RIMS1: variants seen among roughly 807,000 people sequenced by gnomAD.
RIMS1 encodes regulating synaptic membrane exocytosis protein 1.
Under a neutral mutation model 214.1 loss-of-function variants are expected in RIMS1, and 83 were observed. The ratio of observed to expected loss-of-function variants is 0.39; its 90% CI spans 0.32 to 0.47. The LOEUF is 0.47. Among genes scored for constraint, RIMS1 ranks in the 20% least tolerant of loss-of-function variants. The pLI, the probability that RIMS1 is intolerant of heterozygous loss-of-function variation, is 0.99. For synonymous variants in RIMS1, 793 were observed against 786.8 expected (o/e 1.01, Z -0.13); for missense variants, 2,050 against 2,161.8 (o/e 0.95, Z 1.03).
At chr6:71,973,699 G>A (rs1267078108) in intron 2 of RIMS1, among the ~76,000 whole-genome samples, 2 of 152,152 alleles carry the variant, frequency 1.3e-5, no homozygotes, top group African/African-American at 2.4e-5. Context: ...CACAGAGGAG[G>A]CAACACAATA....
intron 4 of RIMS1, among the ~76,000 whole-genome samples, chr6:72,113,833 A>C (rs2036561501): frequency 6.6e-6 from 1 of 152,118 alleles, no homozygotes; most frequent in African/African-American, 2.4e-5. Context: ...ATATCAAATA[A>C]AAATATAGGA....
intron 23 of RIMS1, among the ~76,000 whole-genome samples, chr6:72,277,963 A>G (rs972291005): frequency 9.9e-5 from 15 of 152,100 alleles, no homozygotes; most frequent in African/African-American, 3.6e-4. Flanking sequence ...AGTTTAATCA[A>G]TCGTCTTTAA....
intron 29 of RIMS1, among the ~76,000 whole-genome samples, chr6:72,343,389 G>A (rs977350336): frequency 1.4e-5 from 2 of 140,442 alleles, no homozygotes; most frequent in African/African-American, 5.0e-5. Context: ...TATTATTATT[G>A]GAGAAAATTG....
chr6:72,132,498 A>G (rs2040602713), intron 4 of RIMS1, among the ~76,000 whole-genome samples: 2 of 152,146 alleles, frequency 1.3e-5, no homozygotes, highest in Admixed American at 6.6e-5. Context: ...ATATTATTGT[A>G]GTGTTCTTAG....
intron 4 of RIMS1, among the ~76,000 whole-genome samples, chr6:72,146,863 C>G (rs1030088627): frequency 6.6e-6 from 1 of 152,110 alleles, no homozygotes; most frequent in South Asian, 2.1e-4. Context: ...TAATTCTTAG[C>G]AATTTTAAAT....
chr6:71,902,328 A>G (rs1216364490), intron 1 of RIMS1, among the ~76,000 whole-genome samples: 1 of 152,078 alleles, frequency 6.6e-6, no homozygotes, highest in Non-Finnish European at 1.5e-5. Context: ...TCAGCAAGAC[A>G]ATTGATTACT....
At chr6:72,188,636 T>C (rs947949660) in intron 6 of RIMS1, among the ~76,000 whole-genome samples, 1 of 151,796 alleles carries the variant, frequency 6.6e-6, no homozygotes, top group African/African-American at 2.4e-5. Flanking sequence ...CCATTCTTTA[T>C]TTCCTTTGCC....
chr6:72,263,795 C>T, intron 19 of RIMS1: 3 of 637,080 alleles, frequency 4.7e-6, no homozygotes, highest in Non-Finnish European at 5.7e-6. Flanking sequence ...GAAACCCCGT[C>T]TCTACTAAAA....
intron 2 of RIMS1, among the ~76,000 whole-genome samples, chr6:71,980,836 T>C (rs1325482609): frequency 6.6e-6 from 1 of 152,042 alleles, no homozygotes; most frequent in Non-Finnish European, 1.5e-5. Flanking sequence ...CAAGTGGATG[T>C]AGTTATGAAA....
chr6:72,178,898 T>C (rs1348728100), intron 4 of RIMS1, among the ~76,000 whole-genome samples: 1 of 152,234 alleles, frequency 6.6e-6, no homozygotes, highest in Non-Finnish European at 1.5e-5. Context: ...TGGGGAACAT[T>C]ACATTGGAGT....
At chr6:72,118,726 A>G (rs184008702) in intron 4 of RIMS1, among the ~76,000 whole-genome samples, 114 of 151,924 alleles carry the variant, frequency 7.5e-4, no homozygotes, top group African/African-American at 2.7e-3. Flanking sequence ...CAAAAATCAT[A>G]TGATTATCTC....
At chr6:71,958,927 A>G (rs1792102345) in intron 1 of RIMS1, among the ~76,000 whole-genome samples, 1 of 152,122 alleles carries the variant, frequency 6.6e-6, no homozygotes, top group Admixed American at 6.6e-5. Context: ...TGAAAAAGTT[A>G]TTTACAAGAT....
intron 23 of RIMS1, among the ~76,000 whole-genome samples, chr6:72,282,238 T>C (rs1406599554): frequency 1.3e-5 from 2 of 152,138 alleles, no homozygotes; most frequent in Non-Finnish European, 2.9e-5. Flanking sequence ...CTCCTGAGCC[T>C]GCAGATCTAA....
At chr6:71,902,440 G>C (rs1773933389) in intron 1 of RIMS1, among the ~76,000 whole-genome samples, 1 of 151,986 alleles carries the variant, frequency 6.6e-6, no homozygotes, top group African/African-American at 2.4e-5. Flanking sequence ...TGGCCCATGA[G>C]ACACAAAAAG....
chr6:72,302,796 C>T (rs1477073250), intron 26 of RIMS1, among the ~76,000 whole-genome samples: 2 of 151,212 alleles, frequency 1.3e-5, no homozygotes, highest in Non-Finnish European at 3.0e-5. Context: ...TATGAGCTGA[C>T]CTTGTTAAAA....
intron 2 of RIMS1, among the ~76,000 whole-genome samples, chr6:71,970,834 T>C (rs916592150): frequency 6.6e-6 from 1 of 152,232 alleles, no homozygotes; most frequent in African/African-American, 2.4e-5. Context: ...AGAGTAATGT[T>C]TGTGAATGGA....
chr6:72,381,292 G>T (rs1222171594), intron 29 of RIMS1, among the ~76,000 whole-genome samples: 1 of 151,708 alleles, frequency 6.6e-6, no homozygotes. Flanking sequence ...TAATGATCTC[G>T]TTCTAACTTA....
chr6:72,298,276 A>G (rs772845791), intron 26 of RIMS1, among the ~76,000 whole-genome samples: 1 of 151,940 alleles, frequency 6.6e-6, no homozygotes, highest in Non-Finnish European at 1.5e-5. Context: ...TATGTCAGTG[A>G]CTCTACTAAA....
chr6:72,179,699 G>A lies in RIMS1; in HGVS notation c.596G>A (p.Gly199Asp). ...GGAACCCTGAGTGATACAGCTACAG[G>A]TGCTGGCTCTGAGGTACCAAGAGAA... ...QDGTLSDTAT[G>D]AGSEVPREKK... is the part of the protein sequence containing the mutation. The change falls in exon 5 of 34, where the codon GGT becomes GAT. Residue 199 changes from glycine to aspartate, a missense_variant. Around this residue, in one of 6 missense-constraint regions of RIMS1, gnomAD observed 882 missense variants for 828.9 expected, o/e 1.06. Transcript: ENST00000521978. 1 of 1,613,918 alleles carries A rather than the reference G, an allele frequency of 6.2e-7. No individual in the cohort carries two copies. The highest frequency in any genetic ancestry group is 8.5e-7 in the Non-Finnish European group (1 of 1,179,884).
Sources: allele counts gnomAD v4.1 joint callset (sites outside exome capture counted in the v4.1 genomes callset), GRCh38; gene constraint gnomAD v4.1.1; regional missense constraint gnomAD v4.1.1; transcripts MANE v1.5; gene names NCBI Gene and HGNC (gene_info 2026-07-23, HGNC 2026-07-21).